NAALADL2: variants seen among roughly 807,000 people sequenced by gnomAD.
NAALADL2 encodes inactive N-acetylated-alpha-linked acidic dipeptidase-like protein 2.
A neutral mutation model predicts 87.2 loss-of-function variants in NAALADL2; 76 were observed. The observed-to-expected ratio is 0.87, with a 90% confidence interval of 0.72 to 1.05. The LOEUF (loss-of-function observed/expected upper bound fraction) is 1.05. Among genes scored for constraint, NAALADL2 ranks in the 50% least tolerant of loss-of-function variants. The probability of loss-of-function intolerance (pLI) is 0.00; values close to 1 mark genes in which losing one functional copy is unlikely to be tolerated. For missense variants in NAALADL2, 1,089 were observed against 945.8 expected (o/e 1.15, Z -1.99); for synonymous variants, 354 against 331.0 (o/e 1.07, Z -0.75).
At chr3:175,740,709 T>G (rs62286107) in intron 12 of NAALADL2, among the ~76,000 whole-genome samples, 12,081 of 152,302 alleles carry the variant, frequency 0.079, 508 homozygotes, top group Middle Eastern at 0.1. Context: ...TTTTTTATCC[T>G]GAATATAAAC....
chr3:175,113,006 G>C (rs1168565173), intron 2 of NAALADL2, among the ~76,000 whole-genome samples: 1 of 151,554 alleles, frequency 6.6e-6, no homozygotes, highest in Non-Finnish European at 1.5e-5. Flanking sequence ...AGTAAATTAG[G>C]GTTGTTGTGA....
intron 9 of NAALADL2, among the ~76,000 whole-genome samples, chr3:175,492,886 T>C (rs997522137): frequency 6.6e-6 from 1 of 152,116 alleles, no homozygotes; most frequent in African/African-American, 2.4e-5. Context: ...GGCTCTTTCT[T>C]CCATTAAAAA....
At chr3:174,838,550 A>T (rs572011078) in intron 3 of NAALADL2, among the ~76,000 whole-genome samples, 1 of 151,990 alleles carries the variant, frequency 6.6e-6, no homozygotes, top group African/African-American at 2.4e-5. Flanking sequence ...GAGGAAGTCA[A>T]ACTGTCGCTG....
intron 1 of NAALADL2, among the ~76,000 whole-genome samples, chr3:174,893,321 C>CCCCA (rs1560332943): frequency 1.4e-5 from 2 of 147,126 alleles, no homozygotes; most frequent in African/African-American, 5.0e-5. Flanking sequence ...CCCCCCCCCG[C>CCCCA]AAAAAGTTAT....
At chr3:174,778,844 T>C (rs1393711906) in intron 3 of NAALADL2, among the ~76,000 whole-genome samples, 1 of 152,318 alleles carries the variant, frequency 6.6e-6, no homozygotes, top group East Asian at 1.9e-4. Flanking sequence ...TTCCATGGTG[T>C]ATATGTGCCA....
intron 1 of NAALADL2, among the ~76,000 whole-genome samples, chr3:175,007,479 T>C (rs1484417115): frequency 6.6e-6 from 1 of 152,202 alleles, no homozygotes; most frequent in Non-Finnish European, 1.5e-5. Context: ...GTTCATTTTT[T>C]GTGAGGTCTA....
At chr3:174,916,374 C>T (rs1427015306) in intron 1 of NAALADL2, among the ~76,000 whole-genome samples, 1 of 151,894 alleles carries the variant, frequency 6.6e-6, no homozygotes, top group Non-Finnish European at 1.5e-5. Context: ...GGTATCTACC[C>T]AAAGGAAAAT....
intron 1 of NAALADL2, among the ~76,000 whole-genome samples, chr3:174,949,958 A>G (rs986451955): frequency 3.9e-5 from 6 of 152,076 alleles, no homozygotes; most frequent in Non-Finnish European, 5.9e-5. Context: ...TCCATTGTCT[A>G]TTTGCATTGG....
At chr3:175,559,900 T>A (rs1715992345) in intron 9 of NAALADL2, among the ~76,000 whole-genome samples, 1 of 152,228 alleles carries the variant, frequency 6.6e-6, no homozygotes, top group Non-Finnish European at 1.5e-5. Flanking sequence ...GTTTCCTTTC[T>A]CTTTTTATGT....
intron 4 of NAALADL2, among the ~76,000 whole-genome samples, chr3:175,300,115 C>G (rs530860340): frequency 6.6e-6 from 1 of 152,304 alleles, no homozygotes; most frequent in East Asian, 1.9e-4. Flanking sequence ...GCTGAACCAG[C>G]CTTGCATCCC....
chr3:174,566,515 G>A (rs1375223134), intron 2 of NAALADL2, among the ~76,000 whole-genome samples: 1 of 151,680 alleles, frequency 6.6e-6, no homozygotes, highest in African/African-American at 2.4e-5. Context: ...GCTTTCACCA[G>A]TTGGACATTT....
chr3:175,753,728 ATAAGGACCAAGTATTACGG>A (rs1334431176), intron 12 of NAALADL2, among the ~76,000 whole-genome samples: 2 of 152,166 alleles, frequency 1.3e-5, no homozygotes, highest in Admixed American at 6.5e-5. Flanking sequence ...CTGCATTTTC[ATAAGGACCAAGTATTACGG>A]GAACTGGTAA....
intron 10 of NAALADL2, among the ~76,000 whole-genome samples, chr3:175,589,171 G>A (rs1234862390): frequency 6.6e-6 from 1 of 152,132 alleles, no homozygotes; most frequent in African/African-American, 2.4e-5. Flanking sequence ...ATTTATTCAA[G>A]TTACTTTTGT....
At chr3:175,644,531 A>AC (rs1353089402) in intron 11 of NAALADL2, among the ~76,000 whole-genome samples, 1 of 152,142 alleles carries the variant, frequency 6.6e-6, no homozygotes, top group Non-Finnish European at 1.5e-5. Flanking sequence ...CAATAAAGCT[A>AC]CACTACATAT....
chr3:175,789,212 A>T (rs1752483674), intron 13 of NAALADL2, among the ~76,000 whole-genome samples: 1 of 152,166 alleles, frequency 6.6e-6, no homozygotes, highest in Admixed American at 6.5e-5. Flanking sequence ...TGCCTAATAA[A>T]TACTTGATGA....
intron 2 of NAALADL2, among the ~76,000 whole-genome samples, chr3:175,138,386 G>A (rs562417768): frequency 7.2e-5 from 11 of 152,072 alleles, no homozygotes; most frequent in Non-Finnish European, 1.0e-4. Flanking sequence ...TGACGTTCAC[G>A]TTTTGGATTT....
At chr3:174,710,909 T>G (rs1218360838) in intron 2 of NAALADL2, among the ~76,000 whole-genome samples, 2 of 152,342 alleles carry the variant, frequency 1.3e-5, no homozygotes, top group East Asian at 3.9e-4. Flanking sequence ...GAATTTTTGA[T>G]CTACAGAACT....
rs149805112 is a variant in NAALADL2, at chr3:175,456,453, T to G, written c.1235-6948T>G. ...TAAATGTGAGCTGGAAATGTAATTT[T>G]TAACTACCAATACACACACACACAC... On this transcript the variant is annotated intron_variant, in intron 6 of 13. Coordinates refer to ENST00000454872, the MANE Select transcript of NAALADL2 (RefSeq NM_207015.3). Among the ~76,000 whole-genome samples, 405 of 151,942 alleles carry G rather than the reference T, an allele frequency of 2.7e-3. 1 individual carries two copies. Among genetic ancestry groups the G allele is most frequent in the Middle Eastern group, 3.4e-3 (1 of 294 alleles).
At chr3:175,251,532 A>T (rs1370897268) in intron 3 of NAALADL2, among the ~76,000 whole-genome samples, 2 of 152,204 alleles carry the variant, frequency 1.3e-5, no homozygotes, top group Non-Finnish European at 2.9e-5. Context: ...GAGACCAGTA[A>T]GATGTGTCTT....
Sources: gnomAD v4.1 joint callset for allele counts (sites outside exome capture counted in the v4.1 genomes callset) on GRCh38, gnomAD v4.1.1 for gene constraint, MANE v1.5 for transcripts, NCBI Gene and HGNC (gene_info 2026-07-23, HGNC 2026-07-21) for gene names.